Variants in PFKFB3 observed in about 807,000 individuals in gnomAD.
PFKFB3 encodes 6-phosphofructo-2-kinase/fructose-2,6-biphosphatase 3.
Under a neutral mutation model 68.0 loss-of-function variants are expected in PFKFB3, and 33 were observed. The observed-to-expected ratio is 0.49, with a 90% CI of 0.37 to 0.65. PFKFB3 has a LOEUF of 0.65. Among genes scored for constraint, PFKFB3 ranks in the 30% least tolerant of loss-of-function variants. PFKFB3 has a pLI of 0.00. For synonymous variants in PFKFB3, 315 were observed against 288.2 expected, an observed-to-expected ratio of 1.09 and a Z score of -0.94; for missense variants, 586 against 712.2, an observed-to-expected ratio of 0.82 and a Z score of 2.02.
the PFKFB3 span, among the ~76,000 whole-genome samples, chr10:6,263,450 C>A: frequency 6.6e-6 from 1 of 152,308 alleles, no homozygotes; most frequent in Admixed American, 6.5e-5. Flanking sequence ...GTTTTGGGGC[C>A]AGTTTATGGC....
At chr10:6,190,680 C>G (rs777812055) in intron 1 of PFKFB3, among the ~76,000 whole-genome samples, 3 of 152,150 alleles carry the variant, frequency 2.0e-5, no homozygotes, top group Non-Finnish European at 4.4e-5. Context: ...CCAGATTTGG[C>G]CAGTGGGGAA....
At chr10:6,256,615 T>A (rs1293906973), downstream of PFKFB3, among the ~76,000 whole-genome samples, 1 of 152,242 alleles carries the variant, frequency 6.6e-6, no homozygotes, top group African/African-American at 2.4e-5. Context: ...CTTCATTCAT[T>A]GCCCTGGAAA....
At chr10:6,273,994 C>G in the PFKFB3 span, among the ~76,000 whole-genome samples, 339 of 152,146 alleles carry the variant, frequency 2.2e-3, no homozygotes, top group African/African-American at 7.6e-3. Flanking sequence ...TCACTTGAGC[C>G]CAGGAGACTG....
At chr10:6,278,211 C>T in the PFKFB3 span, among the ~76,000 whole-genome samples, 12 of 149,048 alleles carry the variant, frequency 8.1e-5, no homozygotes, top group East Asian at 4.1e-4. Flanking sequence ...CCGCAGTGCC[C>T]GGCTAGTTTG....
At chr10:6,178,756 G>C (rs1004445978) in intron 1 of PFKFB3, among the ~76,000 whole-genome samples, 12 of 152,210 alleles carry the variant, frequency 7.9e-5, no homozygotes, top group African/African-American at 9.7e-5. Context: ...AGCACGGACT[G>C]GGGGGGATTT....
chr10:6,179,142 A>G (rs902593370), intron 1 of PFKFB3, among the ~76,000 whole-genome samples: 1 of 152,250 alleles, frequency 6.6e-6, no homozygotes, highest in Admixed American at 6.5e-5. Flanking sequence ...ACACTTCTTG[A>G]GCTCTGTTTA....
At chr10:6,243,846 C>T (rs570180209) in intron 14 of PFKFB3, among the ~76,000 whole-genome samples, 1 of 152,278 alleles carries the variant, frequency 6.6e-6, no homozygotes, top group Admixed American at 6.5e-5. Context: ...ACCTCAGCCT[C>T]CCAAATAGCT....
chr10:6,220,593 G>A lies in PFKFB3; in HGVS notation c.624-65G>A, dbSNP rs554332576. ...CTCTGGGGATCACATCTTCGGAGACGGGCCAGGTGCATCCTGCTGTGGGTG... is the reference window on the plus strand; with the variant it reads ...CTCTGGGGATCACATCTTCGGAGACAGGCCAGGTGCATCCTGCTGTGGGTG... On this transcript the variant is annotated intron_variant, in intron 7 of 14. Coordinates refer to ENST00000379775, the MANE Select transcript of PFKFB3 (RefSeq NM_004566.4). This position sits in a 1 kb window ranked among gnomAD's most constrained non-coding sequence, Gnocchi z 4.1. 13 of 1,449,178 alleles carry A rather than the reference G, an allele frequency of 9.0e-6. No individual in the cohort carries two copies. Among genetic ancestry groups the A allele is most frequent in the South Asian group, 8.0e-5 (7 of 87,322 alleles). The allele number at this position is 1,449,178 out of a possible 1,614,324, so 89.8% of individuals were successfully genotyped here.
At chr10:6,218,804 T>C (rs192798787) in intron 6 of PFKFB3, among the ~76,000 whole-genome samples, 148 of 152,338 alleles carry the variant, frequency 9.7e-4, no homozygotes, top group Admixed American at 2.6e-3. Context: ...CGCCACACTC[T>C]ATCCGCAGGA....
downstream of PFKFB3, among the ~76,000 whole-genome samples, chr10:6,258,251 C>G (rs1199317403): frequency 6.6e-6 from 1 of 152,058 alleles, no homozygotes; most frequent in Non-Finnish European, 1.5e-5. Context: ...GAAACAGACC[C>G]AACTCTTTAT....
chr10:6,212,239 G>A (rs1277640759), intron 1 of PFKFB3, among the ~76,000 whole-genome samples: 1 of 152,254 alleles, frequency 6.6e-6, no homozygotes. Flanking sequence ...CATGTCGGCA[G>A]GATGCGGGAG....
chr10:6,326,163 T>A, the PFKFB3 span, among the ~76,000 whole-genome samples: 1 of 152,190 alleles, frequency 6.6e-6, no homozygotes, highest in African/African-American at 2.4e-5. Context: ...GAAGCCCTTA[T>A]GCTCAGCAAA....
At position 6,203,022 on chromosome 10, in the gene PFKFB3, C is replaced by A. The variant is rs1055155145; in HGVS notation, c.-239C>A. On this transcript the variant is annotated 5_prime_UTR_variant, in exon 1 of 15. Coordinates refer to ENST00000379775, the MANE Select transcript of PFKFB3 (RefSeq NM_004566.4). ...AGCATCCCAGAGCTTTCCGAGCGGA[C>A]GAGCCGGCCGTGCCGGGCATCCCCA... 1 of 1,369,300 alleles carries A rather than the reference C, an allele frequency of 7.3e-7. No individual in the cohort carries two copies. Among genetic ancestry groups the A allele is most frequent in the East Asian group, 3.1e-5 (1 of 32,666 alleles). The allele number at this position is 1,369,300 out of a possible 1,614,324, so 84.8% of individuals were successfully genotyped here.
intron 1 of PFKFB3, among the ~76,000 whole-genome samples, chr10:6,171,631 G>T (rs893125058): frequency 2.6e-5 from 4 of 152,152 alleles, no homozygotes; most frequent in African/African-American, 9.7e-5. Context: ...GGACTCAAAA[G>T]ATTCTCCTGC....
At chr10:6,298,779 A>C in the PFKFB3 span, among the ~76,000 whole-genome samples, 3 of 152,148 alleles carry the variant, frequency 2.0e-5, no homozygotes, top group African/African-American at 7.2e-5. Context: ...TTCCAGATGG[A>C]TCTCTAACGC....
At chr10:6,246,342 A>ATTG (rs928026020) in intron 14 of PFKFB3, among the ~76,000 whole-genome samples, 1 of 149,232 alleles carries the variant, frequency 6.7e-6, no homozygotes, top group South Asian at 2.1e-4. Flanking sequence ...TATTATTATT[A>ATTG]TTATTAATTT....
At chr10:6,201,758 T>G (rs1037599246), upstream of PFKFB3, among the ~76,000 whole-genome samples, 19 of 151,702 alleles carry the variant, frequency 1.3e-4, no homozygotes, top group South Asian at 2.1e-4. The surrounding 1 kb of genome is among the most constrained non-coding windows in gnomAD (Gnocchi z 4.1). Flanking sequence ...TGCACCTCTC[T>G]GCAAGGCGGC....
the PFKFB3 span, among the ~76,000 whole-genome samples, chr10:6,282,725 AGAG>A: frequency 6.6e-6 from 1 of 152,348 alleles, no homozygotes; most frequent in East Asian, 1.9e-4. Context: ...TTTACTCAAA[AGAG>A]GAGAAGACGA....
intron 14 of PFKFB3, among the ~76,000 whole-genome samples, chr10:6,250,958 C>T (rs901784269): frequency 1.3e-5 from 2 of 152,132 alleles, no homozygotes; most frequent in Non-Finnish European, 2.9e-5. Context: ...ATCTTGTGAC[C>T]TTTCACGAGT....
Sources: allele counts gnomAD v4.1 joint callset (sites outside exome capture counted in the v4.1 genomes callset), GRCh38; gene constraint gnomAD v4.1.1; non-coding constraint Gnocchi (gnomAD v3.1); transcripts MANE v1.5; gene names NCBI Gene and HGNC (gene_info 2026-07-23, HGNC 2026-07-21).